Variants in ZNF83 observed in about 807,000 individuals in gnomAD.
ZNF83 encodes zinc finger protein 816B.
For missense variants in ZNF83, 552 were observed against 629.9 expected, an observed-to-expected ratio of 0.88 and a Z score of 1.32; for synonymous variants, 209 against 213.0, an observed-to-expected ratio of 0.98 and a Z score of 0.17.
At position 52,620,784 on chromosome 19, in the gene ZNF83, T is replaced by C. The variant is rs143732867; in HGVS notation, c.-233-5987A>G. Among the ~76,000 whole-genome samples the C allele has an allele frequency of 5.2e-3, 799 of 152,330 alleles. 14 individuals carry two copies. The highest frequency in any genetic ancestry group is 3.7e-3 in the Non-Finnish European group (253 of 68,030). On this transcript the variant is annotated intron_variant, in intron 2 of 2. Transcript: ENST00000301096. Reference sequence around the variant, plus strand: ...AACAGCCAGCTTCTGTCTTAACTGATTGACCAACCTTATGACTTTCCATTA... The same window carrying C: ...AACAGCCAGCTTCTGTCTTAACTGACTGACCAACCTTATGACTTTCCATTA...
At chr19:52,673,772 TGGGA>T (rs1010244687) in intron 1 of ZNF83, among the ~76,000 whole-genome samples, 3 of 148,420 alleles carry the variant, frequency 2.0e-5, no homozygotes, top group Non-Finnish European at 4.5e-5. Context: ...AGTGGCTCTT[TGGGA>T]GGCTGAGGTG....
chr19:52,678,288 A>G lies in ZNF83; in HGVS notation c.-283+12155T>C, dbSNP rs147911850. ...CAAGATGGTGAAACCCCGTCTTACT[A>G]AAAATATAAAAATTAGCCAGGCATG... On this transcript the variant is annotated intron_variant, in intron 1 of 5. Coordinates refer to the ZNF83 transcript ENST00000594682. Among the ~76,000 whole-genome samples, 32 of 151,642 alleles carry G rather than the reference A, an allele frequency of 2.1e-4. 1 individual carries two copies. In the East Asian group the frequency reaches 6.3e-3, roughly 30 times the overall value.
chr19:52,655,651 A>C (rs1211370354), exon 3 of ZNF83: 15 of 1,347,956 alleles, frequency 1.1e-5, no homozygotes, highest in Non-Finnish European at 1.6e-5. Context: ...TCCTCCAAAG[A>C]GAATTCTATA....
chr19:52,667,604 C>A (rs955433900), intron 1 of ZNF83, among the ~76,000 whole-genome samples: 1 of 152,110 alleles, frequency 6.6e-6, no homozygotes, highest in African/African-American at 2.4e-5. Context: ...AAGGTTTAAG[C>A]AAGTTTCAAA....
intron 3 of ZNF83, chr19:52,654,276 G>T: frequency 1.3e-6 from 2 of 1,553,392 alleles, no homozygotes; most frequent in African/African-American, 1.4e-5. Context: ...TATCTTTCTT[G>T]ATTTCTGGGA....
chr19:52,633,365 T>C (rs1344683652), intron 2 of ZNF83, among the ~76,000 whole-genome samples: 1 of 152,194 alleles, frequency 6.6e-6, no homozygotes, highest in Non-Finnish European at 1.5e-5. Flanking sequence ...ACAAAGCCTG[T>C]TTGGTAGTCT....
exon 3 of ZNF83, chr19:52,614,050 G>A (rs1427869611): frequency 6.2e-7 from 1 of 1,613,144 alleles, no homozygotes. Context: ...TTTCTCTCCA[G>A]TATGAATCCT....
exon 3 of ZNF83, chr19:52,614,059 C>T (rs149091282): frequency 1.2e-6 from 2 of 1,612,936 alleles, no homozygotes; most frequent in African/African-American, 1.3e-5. Context: ...AGTATGAATC[C>T]TGCGATGCTG....
intron 1 of ZNF83, among the ~76,000 whole-genome samples, chr19:52,685,160 C>T (rs189051546): frequency 2.0e-5 from 3 of 152,192 alleles, no homozygotes; most frequent in South Asian, 2.1e-4. Context: ...CACCCAGACA[C>T]CCACTCTATT....
At chr19:52,677,759 G>A (rs2061840780) in intron 1 of ZNF83, among the ~76,000 whole-genome samples, 1 of 152,032 alleles carries the variant, frequency 6.6e-6, no homozygotes, top group South Asian at 2.1e-4. Flanking sequence ...CCAGGCCAGA[G>A]GGGATGGCTC....
At chr19:52,635,370 T>C (rs937422227) in intron 1 of ZNF83, 3 of 278,488 alleles carry the variant, frequency 1.1e-5, no homozygotes, top group Non-Finnish European at 2.0e-5. Flanking sequence ...GCTGCAGCAG[T>C]GGGGAGCTGG....
chr19:52,625,153 CTATCA>C (rs1357897616), intron 2 of ZNF83, among the ~76,000 whole-genome samples: 3 of 152,140 alleles, frequency 2.0e-5, no homozygotes. Flanking sequence ...TCTTCCACAT[CTATCA>C]TTGAGGCTAC....
At chr19:52,635,303 A>C in intron 1 of ZNF83, 150 bp from the exon 2 acceptor site, 1 of 424,430 alleles carries the variant, frequency 2.4e-6, no homozygotes, top group East Asian at 3.6e-5. Flanking sequence ...CTACAGGAAA[A>C]CTCCCGCACC....
chr19:52,687,738 T>C (rs1383874951), intron 1 of ZNF83, among the ~76,000 whole-genome samples: 1 of 144,192 alleles, frequency 6.9e-6, no homozygotes, highest in Admixed American at 7.4e-5. Context: ...GGTAGGAGGA[T>C]CACTTGACCC....
At chr19:52,619,300 A>T (rs2060445028) in intron 2 of ZNF83, among the ~76,000 whole-genome samples, 1 of 152,228 alleles carries the variant, frequency 6.6e-6, no homozygotes, top group African/African-American at 2.4e-5. Context: ...GAAACACTCA[A>T]ATAAATAGAT....
At chr19:52,683,798 G>T (rs946244544) in intron 1 of ZNF83, among the ~76,000 whole-genome samples, 8 of 152,126 alleles carry the variant, frequency 5.3e-5, no homozygotes, top group African/African-American at 1.9e-4. Flanking sequence ...CCTCACATTT[G>T]CCCCAGCCCC....
At chr19:52,626,856 T>C (rs1230500756) in intron 2 of ZNF83, among the ~76,000 whole-genome samples, 1 of 152,124 alleles carries the variant, frequency 6.6e-6, no homozygotes, top group Non-Finnish European at 1.5e-5. Context: ...ACTTCACTAT[T>C]TTGTTTTATT....
In ZNF83 at chr19:52,629,989, C is replaced by T. The variant is rs62118491; in HGVS notation, c.-234+5077G>A. ...TCTCCAGCACACAAGAACTTCCAAA[C>T]GCCTGAACCACAGTGGCCAGGCATT... On this transcript the variant is annotated intron_variant, in intron 2 of 2. Coordinates refer to ENST00000301096, the Ensembl canonical transcript of ZNF83. 3.3e-3 allele frequency among the ~76,000 whole-genome samples: 499 copies of T among 149,424 alleles called. 1 individual carries two copies. Among genetic ancestry groups the T allele is most frequent in the African/African-American group, 0.011 (426 of 40,352 alleles).
intron 1 of ZNF83, among the ~76,000 whole-genome samples, chr19:52,689,964 G>C (rs928082941): frequency 6.7e-6 from 1 of 149,250 alleles, no homozygotes; most frequent in African/African-American, 2.5e-5. Context: ...GGCCCGGCAC[G>C]AGGAGGGAGG....
Sources: allele counts gnomAD v4.1 joint callset (sites outside exome capture counted in the v4.1 genomes callset), GRCh38; gene constraint gnomAD v4.1.1; transcripts MANE v1.5; gene names NCBI Gene and HGNC (gene_info 2026-07-23, HGNC 2026-07-21).